FRMPD4: variants seen among roughly 807,000 people sequenced by gnomAD.
FRMPD4 encodes FERM and PDZ domain-containing protein 4.
FRMPD4 carries 22 observed loss-of-function variants against 94.1 expected under a neutral mutation model. That is an observed-to-expected ratio of 0.23 (90% CI 0.17 to 0.33). The LOEUF (loss-of-function observed/expected upper bound fraction) is 0.33, where lower values mean the gene tolerates loss of function less well. FRMPD4 is among the 10% of genes least tolerant of loss of function. The pLI, the probability that FRMPD4 is intolerant of heterozygous loss-of-function variation, is 1.00. For synonymous variants in FRMPD4, 631 were observed against 548.6 expected (o/e 1.15, Z -2.10); for missense variants, 1,111 against 1,339.9 (o/e 0.83, Z 2.67).
At chrX:11,949,837 C>T (rs981896900) in intron 3 of FRMPD4, among the ~76,000 whole-genome samples, 14 of 111,606 alleles carry the variant, frequency 1.3e-4, no homozygotes, top group African/African-American at 3.6e-4. Flanking sequence ...AACTTTTAGA[C>T]TCCCAGAAGG....
intron 1 of FRMPD4, among the ~76,000 whole-genome samples, chrX:12,293,999 A>G (rs1286630871): frequency 8.9e-6 from 1 of 112,408 alleles, no homozygotes; most frequent in Non-Finnish European, 1.9e-5. Context: ...AAAACACAGC[A>G]TAAGACATGG....
intron 2 of FRMPD4, among the ~76,000 whole-genome samples, chrX:12,567,885 C>T (rs1165608611): frequency 8.9e-6 from 1 of 111,784 alleles, no homozygotes; most frequent in Non-Finnish European, 1.9e-5. Flanking sequence ...AAGAATGTTA[C>T]GTGGATAGTC....
chrX:12,250,803 C>G (rs1455977830), intron 1 of FRMPD4, among the ~76,000 whole-genome samples: 1 of 110,890 alleles, frequency 9.0e-6, no homozygotes, highest in African/African-American at 3.3e-5. Context: ...GTCAAATACC[C>G]CCACTTAGAG....
chrX:12,168,813 G>T (rs1445830244), intron 1 of FRMPD4, among the ~76,000 whole-genome samples: 1 of 110,086 alleles, frequency 9.1e-6, no homozygotes, highest in Non-Finnish European at 1.9e-5. Context: ...TTTTAGTAGA[G>T]ACGGGGTTTC....
chrX:12,409,102 G>T (rs2056700917), intron 1 of FRMPD4, among the ~76,000 whole-genome samples: 4 of 111,560 alleles, frequency 3.6e-5, no homozygotes, highest in Non-Finnish European at 3.8e-5. Context: ...AAGACAGCTT[G>T]TAATGAGGTA....
intron 2 of FRMPD4, among the ~76,000 whole-genome samples, chrX:12,546,302 C>T (rs778366993): frequency 1.8e-5 from 2 of 110,382 alleles, no homozygotes; most frequent in East Asian, 2.9e-4. Flanking sequence ...TGCAGCCTCC[C>T]GAGTAGCTGA....
In FRMPD4 at chrX:12,597,354, T is replaced by C. The variant is rs1428745821; in HGVS notation, c.159-12367T>C. ...TCTCTCTGGGTGGATGAACTGGCTG[T>C]TGATAAAAGACTAATTGTGGAAATG... On this transcript the variant is annotated intron_variant, in intron 2 of 16. Coordinates refer to ENST00000675598, the MANE Select transcript of FRMPD4 (RefSeq NM_001368397.1). 2.7e-5 allele frequency among the ~76,000 whole-genome samples: 3 copies of C among 112,525 alleles called. No individual in the cohort carries two copies. In the East Asian group the frequency reaches 8.3e-4, roughly 31 times the overall value.
At chrX:12,182,577 A>AATATAT (rs1251244591) in intron 1 of FRMPD4, among the ~76,000 whole-genome samples, 2 of 107,151 alleles carry the variant, frequency 1.9e-5, no homozygotes, top group African/African-American at 6.7e-5. Flanking sequence ...TAAATAAATA[A>AATATAT]ATATATATAT....
chrX:12,596,812 G>A (rs1602185155), intron 2 of FRMPD4, among the ~76,000 whole-genome samples: 1 of 111,583 alleles, frequency 9.0e-6, no homozygotes, highest in Non-Finnish European at 1.9e-5. Flanking sequence ...TTTGATAAGG[G>A]TATTCAAAGT....
chrX:12,015,453 T>G (rs1211827081), intron 3 of FRMPD4, among the ~76,000 whole-genome samples: 1 of 112,032 alleles, frequency 8.9e-6, no homozygotes, highest in African/African-American at 3.2e-5. Context: ...ACCTGCACTT[T>G]TTTCATTTTT....
chrX:12,473,888 C>G lies in FRMPD4; in HGVS notation c.42-24792C>G, dbSNP rs2057554910. Among the ~76,000 whole-genome samples the G allele has an allele frequency of 1.8e-5, 2 of 109,598 alleles. 1 individual carries two copies. The highest frequency in any genetic ancestry group is 6.9e-5 in the African/African-American group (2 of 28,808). On this transcript the variant is annotated intron_variant, in intron 1 of 16. Transcript: ENST00000675598. ...ATGGGAGACTTTAACACCCCACTGTCAACATTACACAGATCGACAAGACAG... is the reference window on the plus strand; with the variant it reads ...ATGGGAGACTTTAACACCCCACTGTGAACATTACACAGATCGACAAGACAG...
chrX:12,151,502 A>G (rs767161519), intron 1 of FRMPD4, among the ~76,000 whole-genome samples: 13 of 112,253 alleles, frequency 1.2e-4, no homozygotes, highest in Non-Finnish European at 9.4e-5. Flanking sequence ...GAGTCCAAAC[A>G]ACAATATCCA....
At chrX:12,545,456 G>C (rs1336937929) in intron 2 of FRMPD4, among the ~76,000 whole-genome samples, 6 of 112,580 alleles carry the variant, frequency 5.3e-5, no homozygotes, top group Non-Finnish European at 7.5e-5. Context: ...ATGCCTCCCA[G>C]TCATCAGGAC....
chrX:12,432,446 G>C (rs1362574174), intron 1 of FRMPD4, among the ~76,000 whole-genome samples: 1 of 112,033 alleles, frequency 8.9e-6, no homozygotes, highest in Non-Finnish European at 1.9e-5. Flanking sequence ...CCTCACATAG[G>C]TTACAATAAA....
At chrX:12,161,791 T>G (rs145754671) in intron 1 of FRMPD4, among the ~76,000 whole-genome samples, 6,488 of 111,863 alleles carry the variant, frequency 0.058, 439 homozygotes, top group African/African-American at 0.2. Flanking sequence ...GTTTTGTTTT[T>G]TTATATATAT....
At chrX:12,542,915 A>G (rs898268831) in intron 2 of FRMPD4, among the ~76,000 whole-genome samples, 8 of 111,867 alleles carry the variant, frequency 7.2e-5, no homozygotes, top group African/African-American at 2.3e-4. Flanking sequence ...AACAGAACAG[A>G]GCCCTCAGAA....
At chrX:11,962,357 T>C (rs2054288362) in intron 3 of FRMPD4, among the ~76,000 whole-genome samples, 1 of 111,901 alleles carries the variant, frequency 8.9e-6, no homozygotes, top group African/African-American at 3.3e-5. Flanking sequence ...AAAGGGGCAC[T>C]AGGATGCTCC....
At chrX:12,178,496 G>A (rs2056321245) in intron 1 of FRMPD4, among the ~76,000 whole-genome samples, 1 of 108,266 alleles carries the variant, frequency 9.2e-6, no homozygotes. Context: ...TTCTTGAGTT[G>A]CGATTGGGTG....
At chrX:12,674,125 T>A (rs1276476204) in intron 4 of FRMPD4, among the ~76,000 whole-genome samples, 2 of 112,376 alleles carry the variant, frequency 1.8e-5, no homozygotes, top group African/African-American at 6.5e-5. Context: ...ATCCATAATA[T>A]GATTTTTCCT....
Sources: gnomAD v4.1 joint callset for allele counts (sites outside exome capture counted in the v4.1 genomes callset) on GRCh38, gnomAD v4.1.1 for gene constraint, MANE v1.5 for transcripts, NCBI Gene and HGNC (gene_info 2026-07-23, HGNC 2026-07-21) for gene names.